The following CEACAM4 variants were observed in gnomAD, a reference collection of about 807,000 sequenced individuals.
CEACAM4 encodes cell adhesion molecule CEACAM4.
A neutral mutation model predicts 28.7 loss-of-function variants in CEACAM4; 30 were observed. The ratio of observed to expected loss-of-function variants is 1.05; its 90% CI spans 0.78 to 1.42. CEACAM4 has a LOEUF of 1.42. CEACAM4 is among the 40% of genes most tolerant of loss of function. The pLI is 0.00. For synonymous variants in CEACAM4, 143 were observed against 126.5 expected (o/e 1.13, Z -0.87); for missense variants, 330 against 308.2 (o/e 1.07, Z -0.53).
chr19:41,626,618 T>C (rs1304342364), intron 1 of CEACAM4, among the ~76,000 whole-genome samples: 3 of 152,324 alleles, frequency 2.0e-5, no homozygotes, highest in South Asian at 2.1e-4. Context: ...ATAGTTATTA[T>C]CATTTTTCAA....
chr19:41,626,063 AGTGTGTGTGTGTGTGTGTGTGTGTGT>A (rs61710351), intron 1 of CEACAM4, 103 bp from the exon 2 acceptor site: 15,127 of 650,308 alleles, frequency 0.023, 18 homozygotes, highest in East Asian at 0.1. Flanking sequence ...TCAGCCTTGG[AGTGTGTGTGTGTGTGTGTGTGTGTGT>A]GTGTGTGTGT....
At chr19:41,618,361 G>A (rs1290692606), downstream of CEACAM4, among the ~76,000 whole-genome samples, 2 of 152,154 alleles carry the variant, frequency 1.3e-5, no homozygotes, top group Admixed American at 6.5e-5. Flanking sequence ...GCAATGAGGG[G>A]CCAGAGTCCT....
chr19:41,615,555 G>A (rs950780122), downstream of CEACAM4, among the ~76,000 whole-genome samples: 1 of 152,102 alleles, frequency 6.6e-6, no homozygotes, highest in African/African-American at 2.4e-5. Flanking sequence ...CCCCTGGTGA[G>A]AGAGGGTTGC....
At chr19:41,614,296 T>C (rs1262385611), downstream of CEACAM4, among the ~76,000 whole-genome samples, 9 of 152,240 alleles carry the variant, frequency 5.9e-5, no homozygotes, top group Non-Finnish European at 1.2e-4. Flanking sequence ...TACCCTGTGC[T>C]GGGCTATTGG....
chr19:41,613,878 T>G, the CEACAM4 span, among the ~76,000 whole-genome samples: 1 of 152,184 alleles, frequency 6.6e-6, no homozygotes, highest in Non-Finnish European at 1.5e-5. Flanking sequence ...GAGCCCTGCT[T>G]CTGGTATGAG....
At chr19:41,615,858 G>A (rs115028606), downstream of CEACAM4, among the ~76,000 whole-genome samples, 2,143 of 152,254 alleles carry the variant, frequency 0.014, 46 homozygotes, top group African/African-American at 0.048. Flanking sequence ...TTGAAGGCAG[G>A]GCTGGATCTG....
intron 2 of CEACAM4, among the ~76,000 whole-genome samples, chr19:41,623,372 G>GCCA (rs1355761397): frequency 6.7e-6 from 1 of 149,648 alleles, no homozygotes; most frequent in Non-Finnish European, 1.5e-5. Context: ...CCACATCCCT[G>GCCA]CCACATCTGC....
chr19:41,623,351 C>A (rs2071424025), intron 2 of CEACAM4, among the ~76,000 whole-genome samples: 1 of 150,856 alleles, frequency 6.6e-6, no homozygotes, highest in African/African-American at 2.4e-5. Flanking sequence ...CTGATAATTT[C>A]AACATCCCTG....
downstream of CEACAM4, among the ~76,000 whole-genome samples, chr19:41,614,659 A>G (rs75796931): frequency 0.026 from 3,990 of 152,258 alleles, 95 homozygotes; most frequent in Admixed American, 0.068. Flanking sequence ...GAGCCCTGAG[A>G]TATCCTAAGC....
chr19:41,624,212 C>T (rs1442214973), intron 2 of CEACAM4, among the ~76,000 whole-genome samples: 1 of 152,070 alleles, frequency 6.6e-6, no homozygotes, highest in Admixed American at 6.5e-5. Context: ...ATCTTGTATC[C>T]AGGTCTCTGT....
downstream of CEACAM4, among the ~76,000 whole-genome samples, chr19:41,617,278 G>A (rs1187494157): frequency 6.6e-6 from 1 of 152,152 alleles, no homozygotes; most frequent in Non-Finnish European, 1.5e-5. Context: ...AGGTACTAGG[G>A]GCATGGAGAG....
At chr19:41,620,676 T>G in intron 3 of CEACAM4, 49 bp from the exon 4 acceptor site, 1 of 1,484,414 alleles carries the variant, frequency 6.7e-7, no homozygotes, top group Non-Finnish European at 9.4e-7. Flanking sequence ...AAATCACAGG[T>G]TTAGGGGCAG....
intron 2 of CEACAM4, among the ~76,000 whole-genome samples, 198 bp downstream of exon 2, chr19:41,625,403 T>A (rs1220994386): frequency 1.3e-5 from 2 of 152,042 alleles, no homozygotes; most frequent in African/African-American, 2.4e-5. Flanking sequence ...GCCATCAGTG[T>A]CTGCAGGGCC....
chr19:41,619,288 G>A lies in CEACAM4; in HGVS notation c.*42C>T, dbSNP rs374469622. ...CCCCGTCCCCAGGGCTGGGAGCTTC[G>A]GGGACGCTCCATCAACCCACAAGAG... On this transcript the variant is annotated 3_prime_UTR_variant, in exon 7 of 7. Coordinates refer to ENST00000221954, the MANE Select transcript of CEACAM4 (RefSeq NM_001817.4). 970 of 1,546,980 alleles carry A rather than the reference G, an allele frequency of 6.3e-4. No homozygotes were observed. Among genetic ancestry groups the A allele is most frequent in the Non-Finnish European group, 8.0e-4 (898 of 1,119,512 alleles).
chr19:41,614,760 C>T (rs1555798616), downstream of CEACAM4, among the ~76,000 whole-genome samples: 1 of 152,106 alleles, frequency 6.6e-6, no homozygotes, highest in Non-Finnish European at 1.5e-5. Flanking sequence ...GATTACCACG[C>T]AAGGCTGACA....
intron 3 of CEACAM4, 44 bp from the exon 4 acceptor site, chr19:41,620,671 AC>A (rs1555800999): frequency 6.5e-7 from 1 of 1,545,154 alleles, no homozygotes; most frequent in East Asian, 2.3e-5. Context: ...GGGAGAAATC[AC>A]AGGTTTAGGG....
At chr19:41,617,305 C>G (rs528696953), downstream of CEACAM4, among the ~76,000 whole-genome samples, 2 of 152,214 alleles carry the variant, frequency 1.3e-5, no homozygotes, top group South Asian at 2.1e-4. Context: ...GTCTCCCTCT[C>G]TCAGGATCTG....
At chr19:41,626,650 T>C (rs996216680) in intron 1 of CEACAM4, among the ~76,000 whole-genome samples, 2 of 152,212 alleles carry the variant, frequency 1.3e-5, no homozygotes, top group Admixed American at 6.5e-5. Context: ...CAGTGATGAT[T>C]AACCAGGACG....
At position 41,627,071 on chromosome 19, in the gene CEACAM4, C is replaced by A. The variant is rs782098529; in HGVS notation, c.-108G>T. The A allele has an allele frequency of 1.1e-6, 1 of 934,084 alleles. No individual in the cohort carries two copies. Among genetic ancestry groups the A allele is most frequent in the Non-Finnish European group, 1.6e-6 (1 of 629,902 alleles). The allele number at this position is 934,084 out of a possible 1,614,324, so 57.9% of individuals were successfully genotyped here. Reference sequence around the variant, plus strand: ...GTCGGGGCTGCTGACCTTCCTCCTTCTGTGCTGAGCCTCCTCCCGGGCAGA... The same window carrying A: ...GTCGGGGCTGCTGACCTTCCTCCTTATGTGCTGAGCCTCCTCCCGGGCAGA... On this transcript the variant is annotated 5_prime_UTR_variant, in exon 1 of 7. Coordinates refer to ENST00000221954, the MANE Select transcript of CEACAM4 (RefSeq NM_001817.4).
Sources: gnomAD v4.1 joint callset for allele counts (sites outside exome capture counted in the v4.1 genomes callset) on GRCh38, gnomAD v4.1.1 for gene constraint, MANE v1.5 for transcripts, NCBI Gene and HGNC (gene_info 2026-07-23, HGNC 2026-07-21) for gene names.